LRP12: variants seen among roughly 807,000 people sequenced by gnomAD.
LRP12 encodes the protein LDL receptor related protein 12, also known as low-density lipoprotein receptor-related protein 12.
In LRP12, 14 loss-of-function variants were observed where a neutral mutation model predicts 66.0. That is an observed-to-expected ratio of 0.21 (90% CI 0.14 to 0.33). The LOEUF (loss-of-function observed/expected upper bound fraction) is 0.33, where lower values mean the gene tolerates loss of function less well. Among genes scored for constraint, LRP12 ranks in the 10% least tolerant of loss-of-function variants. The pLI, the probability that LRP12 is intolerant of heterozygous loss-of-function variation, is 1.00. For synonymous variants in LRP12, 357 were observed against 359.1 expected, an observed-to-expected ratio of 0.99 and a Z score of 0.07; for missense variants, 889 against 1,053.4, an observed-to-expected ratio of 0.84 and a Z score of 2.16.
At chr8:104,494,365 T>C (rs985305286) in intron 6 of LRP12, among the ~76,000 whole-genome samples, 5 of 152,132 alleles carry the variant, frequency 3.3e-5, no homozygotes, top group African/African-American at 1.2e-4. Flanking sequence ...AGAACTCACA[T>C]TTACCAAAAA....
At chr8:104,540,036 T>G (rs1476258459) in intron 1 of LRP12, among the ~76,000 whole-genome samples, 1 of 151,872 alleles carries the variant, frequency 6.6e-6, no homozygotes, top group African/African-American at 2.4e-5. Flanking sequence ...GTGTGCAGAG[T>G]GGTCACTTTC....
intron 1 of LRP12, among the ~76,000 whole-genome samples, chr8:104,567,720 G>C (rs1244643685): frequency 6.6e-6 from 1 of 152,042 alleles, no homozygotes; most frequent in Non-Finnish European, 1.5e-5. Context: ...ACTTACAATA[G>C]CATGAAAAGG....
At chr8:104,506,932 T>C (rs559859281) in intron 3 of LRP12, 75 of 152,334 alleles carry the variant, frequency 4.9e-4, no homozygotes, top group African/African-American at 1.8e-3. Flanking sequence ...ACTAAGAATT[T>C]AAAATTTTTA....
At chr8:104,547,909 T>C (rs1425732801) in intron 1 of LRP12, among the ~76,000 whole-genome samples, 1 of 129,042 alleles carries the variant, frequency 7.7e-6, no homozygotes, top group Non-Finnish European at 1.5e-5. Context: ...TACAATTCTG[T>C]TATATTTTGT....
chr8:104,547,680 G>GTA (rs368039309), intron 1 of LRP12, among the ~76,000 whole-genome samples: 21,121 of 119,394 alleles, frequency 0.18, 2,442 homozygotes, highest in African/African-American at 0.33. Context: ...ATTATATTTT[G>GTA]TATAATATAA....
chr8:104,557,784 T>C (rs925255138), intron 1 of LRP12, among the ~76,000 whole-genome samples: 4 of 152,036 alleles, frequency 2.6e-5, no homozygotes, highest in Non-Finnish European at 5.9e-5. Flanking sequence ...AAAATTCATA[T>C]GAAACCAAAA....
intron 2 of LRP12, among the ~76,000 whole-genome samples, chr8:104,518,732 T>C (rs1329165388): frequency 2.0e-5 from 3 of 152,076 alleles, no homozygotes; most frequent in Admixed American, 2.0e-4. Context: ...AAAAATTTTA[T>C]AAACAGCATT....
intron 1 of LRP12, among the ~76,000 whole-genome samples, chr8:104,573,596 T>C (rs140805240): frequency 0.016 from 2,479 of 152,230 alleles, 32 homozygotes; most frequent in Middle Eastern, 0.027. Context: ...TCGGCATTTA[T>C]TAGTACAAAA....
chr8:104,496,926 TG>T, intron 5 of LRP12, 45 bp downstream of exon 5: 5 of 1,458,308 alleles, frequency 3.4e-6, no homozygotes, highest in Non-Finnish European at 4.5e-6. Context: ...TTCAAACACT[TG>T]GGCCTGCTTT....
At chr8:104,569,536 C>T (rs1554711361) in intron 1 of LRP12, among the ~76,000 whole-genome samples, 1 of 151,672 alleles carries the variant, frequency 6.6e-6, no homozygotes, top group Non-Finnish European at 1.5e-5. Flanking sequence ...TACTAACAGT[C>T]AAAAAAGAAA....
chr8:104,547,603 T>C (rs1197199786), intron 1 of LRP12, among the ~76,000 whole-genome samples: 2 of 115,838 alleles, frequency 1.7e-5, no homozygotes, highest in Admixed American at 1.0e-4. Context: ...ATATAATAAT[T>C]ATTAATATAT....
rs371335155 is a variant in LRP12, at chr8:104,497,653, C to A, written c.899G>T (p.Arg300Leu). ...ACCATCAAGTTTAAAGTCAGTGAAG[C>A]GTAAAATGACTTTACGGTGATCACC... ...DTGDHRKVIL[R>L]FTDFKLDGTG... Residue 300 changes from arginine (R) to leucine (L), a missense_variant, in exon 5 of 7, where the codon CGC (arginine) becomes CTC (leucine). Physicochemically the swap from Arg to Leu is moderately radical, Grantham distance 102. Coordinates refer to ENST00000276654, the MANE Select transcript of LRP12 (RefSeq NM_013437.5). This position sits in a 1 kb window ranked among gnomAD's most constrained non-coding sequence, Gnocchi z 4.3. 4 of 1,614,020 alleles carry A rather than the reference C, an allele frequency of 2.5e-6. No homozygotes were observed. Among genetic ancestry groups the A allele is most frequent in the Non-Finnish European group, 3.4e-6 (4 of 1,179,962 alleles).
At position 104,517,980 on chromosome 8, in the gene LRP12, C is replaced by A. The variant is rs955797000; in HGVS notation, c.137-8906G>T. 4.6e-5 allele frequency among the ~76,000 whole-genome samples: 7 copies of A among 151,884 alleles called. 1 individual carries two copies. Among genetic ancestry groups the A allele is most frequent in the African/African-American group, 1.7e-4 (7 of 41,360 alleles). On this transcript the variant is annotated intron_variant, in intron 2 of 6. Transcript: ENST00000276654. ...TGCTTATGCAAACAACTAAAGGCACCCAAACATGGAAAAAGCAGAGTATGT... is the reference window on the plus strand; with the variant it reads ...TGCTTATGCAAACAACTAAAGGCACACAAACATGGAAAAAGCAGAGTATGT...
At chr8:104,541,375 G>A in intron 1 of LRP12, among the ~76,000 whole-genome samples, 1 of 152,052 alleles carries the variant, frequency 6.6e-6, no homozygotes, top group Middle Eastern at 3.2e-3. Flanking sequence ...GGAATTTTAG[G>A]ACTACTAAGT....
In LRP12 at chr8:104,496,985, T is replaced by C. The variant is rs1319283906; in HGVS notation, c.1567A>G (p.Met523Val). The change falls in exon 5 of 7, where the codon ATG becomes GTG. Residue 523 changes from methionine (M) to valine (V), a missense_variant. Physicochemically the swap from Met to Val is conservative, Grantham distance 21. Transcript: ENST00000276654. ...GCTCKLYSLR[M>V]FERRSFETQL... Reference sequence around the variant, plus strand: ...CTTGATACTGACCTTCTTTCAAACATTCTCAGAGAATAAAGCTTACAAGTA... The same window carrying C: ...CTTGATACTGACCTTCTTTCAAACACTCTCAGAGAATAAAGCTTACAAGTA... The C allele has an allele frequency of 6.6e-7, 1 of 1,525,860 alleles. No individual in the cohort carries two copies. The highest frequency in any genetic ancestry group is 8.8e-7 in the Non-Finnish European group (1 of 1,137,568). The allele number at this position is 1,525,860 out of a possible 1,614,324, so 94.5% of individuals were successfully genotyped here.
Position 104,496,953 on chromosome 8 carries a change from G to A in LRP12, c.1580+19C>T, listed in dbSNP as rs1275186948. 5 of 1,501,280 alleles carry A rather than the reference G, an allele frequency of 3.3e-6. No homozygotes were observed. In the South Asian group the frequency reaches 5.7e-5, roughly 17 times the overall value. The allele number at this position is 1,501,280 out of a possible 1,614,324, so 93.0% of individuals were successfully genotyped here. A position where few individuals can be genotyped will look rare whatever the true frequency, so the allele number is the denominator to read the frequency against. ...GGCCTGCTTTTATTGAGGCCCAATAGTTCTGTCTTGATACTGACCTTCTTT... is the reference window on the plus strand; with the variant it reads ...GGCCTGCTTTTATTGAGGCCCAATAATTCTGTCTTGATACTGACCTTCTTT... On this transcript the variant is annotated intron_variant, in intron 5 of 6. Coordinates refer to ENST00000276654, the MANE Select transcript of LRP12 (RefSeq NM_013437.5).
chr8:104,509,465 C>A (rs1810959944), intron 2 of LRP12, among the ~76,000 whole-genome samples: 1 of 152,200 alleles, frequency 6.6e-6, no homozygotes, highest in African/African-American at 2.4e-5. Flanking sequence ...GGACATGAAT[C>A]TTCCCTTTGT....
intron 6 of LRP12, among the ~76,000 whole-genome samples, chr8:104,492,435 C>A (rs541579668): frequency 7.9e-5 from 12 of 152,142 alleles, no homozygotes; most frequent in Admixed American, 7.2e-4. Context: ...AAGAAGTATT[C>A]AAACTTGAAA....
At chr8:104,526,757 A>C (rs1291753267) in intron 2 of LRP12, among the ~76,000 whole-genome samples, 1 of 148,538 alleles carries the variant, frequency 6.7e-6, no homozygotes, top group Non-Finnish European at 1.5e-5. Context: ...ATTACCATTC[A>C]GGACATAGGC....
Sources: allele counts gnomAD v4.1 joint callset (sites outside exome capture counted in the v4.1 genomes callset), GRCh38; gene constraint gnomAD v4.1.1; non-coding constraint Gnocchi (gnomAD v3.1); transcripts MANE v1.5; gene names NCBI Gene and HGNC (gene_info 2026-07-23, HGNC 2026-07-21).